Variants in L3MBTL4 observed in about 807,000 individuals in gnomAD.
The protein encoded by L3MBTL4 is L3MBTL histone methyl-lysine binding protein 4.
L3MBTL4 carries 70 observed loss-of-function variants against 84.5 expected under a neutral mutation model. That is an observed-to-expected ratio of 0.83 (90% confidence interval 0.68 to 1.01). The LOEUF (loss-of-function observed/expected upper bound fraction) is 1.01, where lower values mean the gene tolerates loss of function less well. Among genes scored for constraint, L3MBTL4 ranks in the 50% least tolerant of loss-of-function variants. The pLI is 0.00. For synonymous variants in L3MBTL4, 274 were observed against 259.8 expected, an observed-to-expected ratio of 1.05 and a Z score of -0.52; for missense variants, 715 against 754.8, an observed-to-expected ratio of 0.95 and a Z score of 0.62.
chr18:6,098,565 A>G (rs2058714078), intron 14 of L3MBTL4, among the ~76,000 whole-genome samples: 1 of 152,178 alleles, frequency 6.6e-6, no homozygotes, highest in Non-Finnish European at 1.5e-5. Context: ...GTTGTTGACA[A>G]CCTTTCTTGT....
chr18:6,394,839 T>C (rs1264379991), intron 1 of L3MBTL4: 1 of 152,146 alleles, frequency 6.6e-6, no homozygotes, highest in Non-Finnish European at 1.5e-5. Flanking sequence ...TATTTTTAAC[T>C]TTCTTCAGCA....
intron 13 of L3MBTL4, among the ~76,000 whole-genome samples, chr18:6,143,832 TATCTGCC>T (rs113434495): frequency 0.025 from 3,740 of 152,252 alleles, 161 homozygotes; most frequent in African/African-American, 0.085. Flanking sequence ...CAGCACCTAT[TATCTGCC>T]AGAACAGCGA....
intron 17 of L3MBTL4, among the ~76,000 whole-genome samples, chr18:5,968,168 C>T (rs1445609929): frequency 6.6e-6 from 1 of 152,214 alleles, no homozygotes; most frequent in African/African-American, 2.4e-5. Flanking sequence ...GTAAGTGCTC[C>T]AGGAACATTG....
intron 13 of L3MBTL4, among the ~76,000 whole-genome samples, chr18:6,166,738 A>C (rs1354912430): frequency 2.6e-5 from 4 of 152,328 alleles, no homozygotes; most frequent in Admixed American, 6.5e-5. Flanking sequence ...AAAGATCAAA[A>C]ATTGACACCC....
intron 16 of L3MBTL4, among the ~76,000 whole-genome samples, chr18:6,071,894 G>T (rs2057672010): frequency 1.3e-5 from 2 of 151,956 alleles, no homozygotes; most frequent in Non-Finnish European, 2.9e-5. Flanking sequence ...AAGAAAGATT[G>T]TTATTAGATT....
chr18:6,412,631 G>A (rs1422986638), intron 1 of L3MBTL4, among the ~76,000 whole-genome samples: 1 of 152,004 alleles, frequency 6.6e-6, no homozygotes, highest in African/African-American at 2.4e-5. Flanking sequence ...CTCCCTCACT[G>A]TTGCTTTTAT....
chr18:6,179,164 T>C (rs114429848), intron 12 of L3MBTL4, among the ~76,000 whole-genome samples: 15 of 152,350 alleles, frequency 9.8e-5, no homozygotes, highest in African/African-American at 3.6e-4. Flanking sequence ...AAACCTTTTT[T>C]AAATTTTTAA....
At chr18:6,149,052 TTTA>T (rs1795821919) in intron 13 of L3MBTL4, among the ~76,000 whole-genome samples, 2 of 152,100 alleles carry the variant, frequency 1.3e-5, no homozygotes, top group African/African-American at 4.8e-5. Context: ...TAAAAATTTT[TTTA>T]TTATTATTAT....
In L3MBTL4 at chr18:6,080,943, T is replaced by C; in HGVS notation, c.1382A>G (p.Gln461Arg). The change falls in exon 16 of 19, where the codon CAG (glutamine) becomes CGG (arginine). Residue 461 changes from glutamine (Q) to arginine (R), a missense_variant. Gln to Arg is a conservative substitution (Grantham distance 43). Coordinates refer to ENST00000317931, the MANE Select transcript of L3MBTL4 (RefSeq NM_001330559.2). ...TTTGATTTTCAAACACTTTGCCTGC[T>C]GTACAAGTCTGGGCAAAGAACAGAA... is the stretch of plus-strand genomic sequence containing the variant. ...EKVNSQPRLV[Q>R]QAKCLKIKGK... 6.2e-7 allele frequency: 1 copy of C among 1,603,768 alleles called. No homozygotes were observed. The highest frequency in any genetic ancestry group is 8.5e-7 in the Non-Finnish European group (1 of 1,174,028).
chr18:5,998,928 T>A (rs566023154), intron 16 of L3MBTL4, among the ~76,000 whole-genome samples: 139 of 152,314 alleles, frequency 9.1e-4, no homozygotes, highest in Non-Finnish European at 1.4e-3. Context: ...TTCTCTGCCA[T>A]AAATCTAACT....
At chr18:6,400,675 T>C (rs1454491580) in intron 1 of L3MBTL4, among the ~76,000 whole-genome samples, 1 of 152,140 alleles carries the variant, frequency 6.6e-6, no homozygotes, top group Admixed American at 6.5e-5. Flanking sequence ...GCCTCCCAAA[T>C]TGTTGGGATT....
intron 12 of L3MBTL4, among the ~76,000 whole-genome samples, chr18:6,192,353 G>A (rs2045149304): frequency 6.6e-6 from 1 of 152,216 alleles, no homozygotes; most frequent in Non-Finnish European, 1.5e-5. Context: ...AAAGGTGGCA[G>A]AGCAGGCAGG....
intron 12 of L3MBTL4, among the ~76,000 whole-genome samples, chr18:6,196,156 T>TC (rs1206583806): frequency 4.2e-5 from 6 of 142,474 alleles, no homozygotes; most frequent in Non-Finnish European, 9.0e-5. Flanking sequence ...CTAGAGTTCC[T>TC]CTTTTTTTTT....
intron 1 of L3MBTL4, among the ~76,000 whole-genome samples, chr18:6,400,749 C>A (rs1314178204): frequency 1.3e-5 from 2 of 152,286 alleles, no homozygotes; most frequent in East Asian, 3.9e-4. Flanking sequence ...ATCCCAAAAG[C>A]TCTGCTCATA....
chr18:6,304,043 C>G (rs977890574), intron 3 of L3MBTL4, among the ~76,000 whole-genome samples: 1 of 145,796 alleles, frequency 6.9e-6, no homozygotes, highest in Non-Finnish European at 1.5e-5. Flanking sequence ...AAAAAAAAGA[C>G]TGCACATAGT....
intron 4 of L3MBTL4, among the ~76,000 whole-genome samples, chr18:6,299,977 T>C (rs1230665424): frequency 6.6e-6 from 1 of 152,122 alleles, no homozygotes; most frequent in African/African-American, 2.4e-5. Context: ...TGACCTATTT[T>C]TCAATACAAT....
At chr18:6,401,945 T>C (rs1404132420) in intron 1 of L3MBTL4, among the ~76,000 whole-genome samples, 1 of 152,230 alleles carries the variant, frequency 6.6e-6, no homozygotes, top group Non-Finnish European at 1.5e-5. Context: ...CAATGAGAAG[T>C]TGCTGTGGAA....
chr18:6,318,494 TA>T (rs71370550), intron 1 of L3MBTL4, among the ~76,000 whole-genome samples: 1,559 of 14,004 alleles, frequency 0.11, 9 homozygotes, highest in Non-Finnish European at 0.13. Flanking sequence ...ACAACAATAG[TA>T]AAAAAAAAAA....
At chr18:6,041,551 C>T (rs764231600) in intron 16 of L3MBTL4, among the ~76,000 whole-genome samples, 12 of 146,316 alleles carry the variant, frequency 8.2e-5, no homozygotes, top group Non-Finnish European at 1.8e-4. Context: ...AAATGGCAGT[C>T]GGGAAGAGCC....
Sources: allele counts gnomAD v4.1 joint callset (sites outside exome capture counted in the v4.1 genomes callset), GRCh38; gene constraint gnomAD v4.1.1; transcripts MANE v1.5; gene names NCBI Gene and HGNC (gene_info 2026-07-23, HGNC 2026-07-21).